PITPNC1: variants seen among roughly 807,000 people sequenced by gnomAD.
PITPNC1 encodes cytoplasmic phosphatidylinositol transfer protein 1.
In PITPNC1, 18 loss-of-function variants were observed where a neutral mutation model predicts 44.7. That is an observed-to-expected ratio of 0.40 (90% CI 0.28 to 0.60). The LOEUF is 0.60. PITPNC1 is among the 20% of genes least tolerant of loss of function. The pLI, the probability that PITPNC1 is intolerant of heterozygous loss-of-function variation, is 0.39. For synonymous variants in PITPNC1, 141 were observed against 149.6 expected (o/e 0.94, Z 0.42); for missense variants, 290 against 418.4 (o/e 0.69, Z 2.68).
At chr17:67,418,894 A>G (rs749377954) in intron 1 of PITPNC1, among the ~76,000 whole-genome samples, 8 of 152,078 alleles carry the variant, frequency 5.3e-5, no homozygotes, top group Non-Finnish European at 1.0e-4. Context: ...ATTTTGCTTA[A>G]TAGAATCATG....
chr17:67,434,157 C>A (rs565583837), intron 1 of PITPNC1, among the ~76,000 whole-genome samples: 2 of 152,156 alleles, frequency 1.3e-5, no homozygotes, highest in South Asian at 4.1e-4. Flanking sequence ...TGCCTAGAAC[C>A]TGGGCTGCAG....
At chr17:67,559,451 T>C (rs2144185677) in intron 4 of PITPNC1, among the ~76,000 whole-genome samples, 1 of 152,330 alleles carries the variant, frequency 6.6e-6, no homozygotes, top group Admixed American at 6.5e-5. Flanking sequence ...ACCCTCGATA[T>C]TTAGTGCAGT....
intron 8 of PITPNC1, among the ~76,000 whole-genome samples, chr17:67,680,687 C>T (rs1363884248): frequency 3.3e-5 from 5 of 151,854 alleles, no homozygotes; most frequent in Non-Finnish European, 7.4e-5. Flanking sequence ...CACCACACTT[C>T]GAGGACTGGC....
At chr17:67,657,200 C>A (rs1342302262) in intron 6 of PITPNC1, among the ~76,000 whole-genome samples, 1 of 146,046 alleles carries the variant, frequency 6.8e-6, no homozygotes, top group Admixed American at 7.0e-5. Context: ...GTTTTTGGCT[C>A]ATCTTCATTC....
intron 5 of PITPNC1, among the ~76,000 whole-genome samples, chr17:67,617,657 G>A (rs1034377963): frequency 1.3e-5 from 2 of 152,136 alleles, no homozygotes; most frequent in Admixed American, 6.6e-5. Context: ...AGGCTCTTGG[G>A]GATGATCCCT....
chr17:67,410,012 G>A (rs1044493619), intron 1 of PITPNC1, among the ~76,000 whole-genome samples: 1 of 152,204 alleles, frequency 6.6e-6, no homozygotes, highest in Admixed American at 6.5e-5. Flanking sequence ...TCCAGAGTAT[G>A]TGCCTAGAAG....
chr17:67,647,464 G>GTTTTTTTTGTTTTTTTTTTT (rs2042162118), intron 6 of PITPNC1, among the ~76,000 whole-genome samples: 5 of 72,326 alleles, frequency 6.9e-5, no homozygotes, highest in Admixed American at 2.2e-4. Flanking sequence ...CTAATTTTGG[G>GTTTTTTTTGTTTTTTTTTTT]TTTTTTTTTT....
At chr17:67,472,430 G>A (rs1444944595) in intron 1 of PITPNC1, among the ~76,000 whole-genome samples, 8 of 148,362 alleles carry the variant, frequency 5.4e-5, no homozygotes, top group African/African-American at 1.2e-4. Flanking sequence ...GGTGGGTCAC[G>A]AGGTCAGGAG....
At chr17:67,470,626 G>C (rs2039510182) in intron 1 of PITPNC1, among the ~76,000 whole-genome samples, 2 of 152,032 alleles carry the variant, frequency 1.3e-5, no homozygotes, top group Admixed American at 6.6e-5. Flanking sequence ...CGGGAGGTGA[G>C]GGGCACCTCT....
At chr17:67,599,284 G>A (rs963112827) in intron 5 of PITPNC1, among the ~76,000 whole-genome samples, 19 of 151,794 alleles carry the variant, frequency 1.3e-4, no homozygotes, top group Non-Finnish European at 2.6e-4. Flanking sequence ...AAGTAGTCAC[G>A]GAAAACTTAG....
rs150799064 is a variant in PITPNC1 at position 67,527,531 on chromosome 17, C to T, written c.49-5271C>T. On this transcript the variant is annotated intron_variant, in intron 1 of 8. Transcript: ENST00000581322. ...CAGCCTGGCCAACATGGCGAAACCC[C>T]GTCTCTACTAAAAATACAAAAATTA... Among the ~76,000 whole-genome samples the T allele has an allele frequency of 5.9e-3, 901 of 151,760 alleles. 10 individuals carry two copies. Among genetic ancestry groups the T allele is most frequent in the African/African-American group, 0.021 (875 of 41,338 alleles).
At position 67,521,974 on chromosome 17, in the gene PITPNC1, A is replaced by T. The variant is rs139988012; in HGVS notation, c.49-10828A>T. Among the ~76,000 whole-genome samples the T allele has an allele frequency of 2.7e-3, 413 of 152,218 alleles. 1 individual carries two copies. The highest frequency in any genetic ancestry group is 5.0e-3 in the Non-Finnish European group (339 of 68,002). The stretch of plus-strand genomic sequence containing the variant: ...AGTCAGTACCTCGTTGTGTGGGAGC[A>T]TCACCGACAGGAATCCTCCAGAATG... On this transcript the variant is annotated intron_variant, in intron 1 of 8. Transcript: ENST00000581322.
intron 7 of PITPNC1, among the ~76,000 whole-genome samples, chr17:67,672,504 C>T (rs1428236185): frequency 6.6e-6 from 1 of 151,730 alleles, no homozygotes; most frequent in Non-Finnish European, 1.5e-5. Context: ...GAGGCCGAGG[C>T]AGGAGAATCA....
chr17:67,587,324 C>CAAA (rs530075213), intron 5 of PITPNC1, among the ~76,000 whole-genome samples: 22 of 103,198 alleles, frequency 2.1e-4, no homozygotes, highest in African/African-American at 7.5e-4. Flanking sequence ...CCCATCTCTA[C>CAAA]AAAAAAAAAA....
chr17:67,603,658 G>A (rs563305954), intron 5 of PITPNC1, among the ~76,000 whole-genome samples: 2 of 152,236 alleles, frequency 1.3e-5, no homozygotes, highest in East Asian at 1.9e-4. Context: ...AGCCAGGCGC[G>A]GTGGCTCACA....
chr17:67,428,538 GAAAAAAA>G (rs1218683922), intron 1 of PITPNC1, among the ~76,000 whole-genome samples: 126 of 89,644 alleles, frequency 1.4e-3, no homozygotes, highest in Non-Finnish European at 1.9e-3. Flanking sequence ...ATCTCAAAAA[GAAAAAAA>G]AAAAAAAGAA....
chr17:67,567,632 TAG>T (rs1358430512), intron 4 of PITPNC1, among the ~76,000 whole-genome samples: 1 of 152,012 alleles, frequency 6.6e-6, no homozygotes, highest in Non-Finnish European at 1.5e-5. Flanking sequence ...AGGTTAAACA[TAG>T]AGTTACAGTG....
At chr17:67,636,185 C>G (rs1030382174) in intron 6 of PITPNC1, among the ~76,000 whole-genome samples, 5 of 150,202 alleles carry the variant, frequency 3.3e-5, no homozygotes, top group African/African-American at 1.2e-4. Flanking sequence ...GTAATTCCAT[C>G]TACTCGTGAG....
intron 1 of PITPNC1, among the ~76,000 whole-genome samples, chr17:67,495,378 T>C (rs1185547267): frequency 6.6e-6 from 1 of 152,146 alleles, no homozygotes; most frequent in East Asian, 1.9e-4. Context: ...GGAGATCTTT[T>C]TTAAAAAAAC....
Sources: allele counts gnomAD v4.1 joint callset (sites outside exome capture counted in the v4.1 genomes callset), GRCh38; gene constraint gnomAD v4.1.1; transcripts MANE v1.5; gene names NCBI Gene and HGNC (gene_info 2026-07-23, HGNC 2026-07-21).